The following NLGN1 variants were observed in gnomAD, a reference collection of about 807,000 sequenced individuals.
The protein encoded by NLGN1 is neuroligin-1.
A neutral mutation model predicts 65.5 loss-of-function variants in NLGN1; 12 were observed. The observed-to-expected ratio is 0.18, with a 90% CI of 0.12 to 0.30. NLGN1 has a LOEUF of 0.30. Ranked by LOEUF, NLGN1 falls within the 10% of genes least tolerant of loss-of-function variation. The pLI, the probability that NLGN1 is intolerant of heterozygous loss-of-function variation, is 1.00. For missense variants in NLGN1, 750 were observed against 1,007.1 expected (o/e 0.74, Z 3.46); for synonymous variants, 350 against 359.5 (o/e 0.97, Z 0.30).
At chr3:173,972,460 G>A (rs1217797145) in intron 4 of NLGN1, among the ~76,000 whole-genome samples, 2 of 152,132 alleles carry the variant, frequency 1.3e-5, no homozygotes, top group African/African-American at 2.4e-5. Context: ...ACACTTATTT[G>A]GCATTCTGGC....
At chr3:173,966,354 G>C (rs2152360435) in intron 4 of NLGN1, among the ~76,000 whole-genome samples, 1 of 152,236 alleles carries the variant, frequency 6.6e-6, no homozygotes, top group African/African-American at 2.4e-5. Context: ...ATTTTCTTTT[G>C]TTTTGATTTG....
chr3:173,895,037 G>C (rs73035441), intron 4 of NLGN1, among the ~76,000 whole-genome samples: 7,320 of 152,192 alleles, frequency 0.048, 383 homozygotes, highest in African/African-American at 0.13. Context: ...TTACTGCAAG[G>C]TCTAGGGAGA....
intron 4 of NLGN1, among the ~76,000 whole-genome samples, chr3:173,879,580 T>C (rs770381038): frequency 7.2e-5 from 11 of 152,198 alleles, no homozygotes; most frequent in Non-Finnish European, 1.3e-4. Flanking sequence ...TGGGTCACTT[T>C]AGAATCAATT....
At chr3:174,071,021 C>A (rs1289233939) in intron 4 of NLGN1, among the ~76,000 whole-genome samples, 1 of 152,078 alleles carries the variant, frequency 6.6e-6, no homozygotes. Flanking sequence ...CGCCACTGTA[C>A]TCCAGCCTGG....
chr3:174,143,631 G>C (rs927489466), intron 4 of NLGN1, among the ~76,000 whole-genome samples: 1 of 152,026 alleles, frequency 6.6e-6, no homozygotes, highest in African/African-American at 2.4e-5. Context: ...TGGAGATTTG[G>C]TGGGGGGGTA....
In NLGN1 at chr3:174,194,246, CAA is replaced by C. The variant is rs200752476; in HGVS notation, c.647-81068_647-81067del. Among the ~76,000 whole-genome samples, 98 of 152,080 alleles carry C rather than the reference CAA, an allele frequency of 6.4e-4. 2 individuals carry two copies. The East Asian group carries it at 0.016, about 25-fold the overall frequency. ...GGCTGAGGCAGACGGATAACGAAGT[CAA>C]GAGATCAAGACCATCCTAGCCAACA... On this transcript the variant is annotated intron_variant, in intron 4 of 6. Coordinates refer to ENST00000457714, the Ensembl canonical transcript of NLGN1.
At chr3:174,225,267 A>G (rs1317052177) in intron 4 of NLGN1, among the ~76,000 whole-genome samples, 1 of 152,078 alleles carries the variant, frequency 6.6e-6, no homozygotes, top group East Asian at 1.9e-4. Context: ...ATCCCACTAA[A>G]CGCTTCCAGG....
At chr3:174,292,073 T>A in the NLGN1 span, among the ~76,000 whole-genome samples, 1 of 151,284 alleles carries the variant, frequency 6.6e-6, no homozygotes, top group Non-Finnish European at 1.5e-5. Flanking sequence ...ATCTCCACCG[T>A]CTTTGAGAAC....
At chr3:173,928,318 G>A (rs746168724) in intron 4 of NLGN1, among the ~76,000 whole-genome samples, 1 of 152,112 alleles carries the variant, frequency 6.6e-6, no homozygotes, top group Non-Finnish European at 1.5e-5. Flanking sequence ...TTTTTGCCTC[G>A]TGAGTGACAG....
chr3:174,046,868 A>G (rs1733722933), intron 4 of NLGN1, among the ~76,000 whole-genome samples: 1 of 152,064 alleles, frequency 6.6e-6, no homozygotes. Flanking sequence ...CAAATTTTAC[A>G]GAAGTGAAAA....
At chr3:174,080,123 G>T (rs749175248) in intron 4 of NLGN1, among the ~76,000 whole-genome samples, 1 of 152,144 alleles carries the variant, frequency 6.6e-6, no homozygotes, top group Non-Finnish European at 1.5e-5. Flanking sequence ...TTGGCCCTTT[G>T]CTGTAATAAT....
intron 1 of NLGN1, among the ~76,000 whole-genome samples, chr3:173,418,504 C>G (rs918530786): frequency 1.6e-4 from 25 of 152,116 alleles, no homozygotes; most frequent in Admixed American, 2.0e-4. Context: ...CTGTGCAATA[C>G]AGATATTACA....
chr3:173,645,785 A>G (rs967090507), intron 3 of NLGN1, among the ~76,000 whole-genome samples: 1 of 152,206 alleles, frequency 6.6e-6, no homozygotes, highest in African/African-American at 2.4e-5. Context: ...TCAGCCTTGG[A>G]AAGCTCTTTG....
intron 4 of NLGN1, among the ~76,000 whole-genome samples, chr3:173,855,526 T>G (rs1727785540): frequency 6.6e-6 from 1 of 152,080 alleles, no homozygotes; most frequent in South Asian, 2.1e-4. Flanking sequence ...TTTAGATGCC[T>G]CTATGGCAAC....
chr3:174,110,538 A>G (rs531560057), intron 4 of NLGN1, among the ~76,000 whole-genome samples: 2 of 152,002 alleles, frequency 1.3e-5, no homozygotes, highest in South Asian at 2.1e-4. Context: ...GTACATTGTA[A>G]AAATTAATGA....
At chr3:173,765,830 G>A (rs1432223396) in intron 3 of NLGN1, among the ~76,000 whole-genome samples, 1 of 152,048 alleles carries the variant, frequency 6.6e-6, no homozygotes, top group Non-Finnish European at 1.5e-5. Context: ...TGCTCATTTT[G>A]TTCTCATACA....
chr3:173,705,925 A>T (rs1263674772), intron 3 of NLGN1, among the ~76,000 whole-genome samples: 1 of 152,204 alleles, frequency 6.6e-6, no homozygotes, highest in Non-Finnish European at 1.5e-5. Flanking sequence ...CCAGGAAAAA[A>T]TTCTAAATAA....
chr3:173,615,394 CAT>C (rs1047130644), intron 3 of NLGN1, among the ~76,000 whole-genome samples: 1 of 152,022 alleles, frequency 6.6e-6, no homozygotes, highest in African/African-American at 2.4e-5. Context: ...GGTTTATTTA[CAT>C]TGCAAGAAAA....
intron 3 of NLGN1, among the ~76,000 whole-genome samples, chr3:173,679,478 G>A (rs541883953): frequency 6.6e-6 from 1 of 152,140 alleles, no homozygotes; most frequent in Admixed American, 6.6e-5. Context: ...CAGGGGAGGG[G>A]ATAAAAAAGA....
Sources: gnomAD v4.1 joint callset for allele counts (sites outside exome capture counted in the v4.1 genomes callset) on GRCh38, gnomAD v4.1.1 for gene constraint, MANE v1.5 for transcripts, NCBI Gene and HGNC (gene_info 2026-07-23, HGNC 2026-07-21) for gene names.